The following SIM1 variants were observed in gnomAD, a reference collection of about 807,000 sequenced individuals.
The protein encoded by SIM1 is single-minded homolog 1.
SIM1 carries 18 observed loss-of-function variants against 78.2 expected under a neutral mutation model. The observed-to-expected ratio is 0.23, with a 90% CI of 0.16 to 0.34. The LOEUF is 0.34. Among genes scored for constraint, SIM1 ranks in the 10% least tolerant of loss-of-function variants. The pLI is 1.00. For synonymous variants in SIM1, 417 were observed against 385.2 expected (o/e 1.08, Z -0.97); for missense variants, 939 against 975.1 (o/e 0.96, Z 0.49).
At chr6:100,454,700 C>T (rs1772601752) in intron 2 of SIM1, among the ~76,000 whole-genome samples, 1 of 152,168 alleles carries the variant, frequency 6.6e-6, no homozygotes, top group Non-Finnish European at 1.5e-5. Context: ...CCGTTAAGAT[C>T]TTTGGAGGCT....
chr6:100,420,881 C>A lies in SIM1; in HGVS notation c.1076G>T (p.Ser359Ile), dbSNP rs1030367646. 1 of 1,613,938 alleles carries A rather than the reference C, an allele frequency of 6.2e-7. No homozygotes were observed. ...ASKPAFSYTS[S>I]STPTMTDNRK... Reference sequence around the variant, plus strand: ...GTTGTCAGTCATGGTGGGGGTGGAGCTGCTGGTATAGGAGAAGGCTGGTTT... The same window carrying A: ...GTTGTCAGTCATGGTGGGGGTGGAGATGCTGGTATAGGAGAAGGCTGGTTT... Residue 359 changes from serine to isoleucine, a missense_variant, in exon 10 of 12, where the codon AGC becomes ATC. Transcript: ENST00000369208.
intron 10 of SIM1, among the ~76,000 whole-genome samples, chr6:100,396,604 G>T (rs1476965421): frequency 6.6e-6 from 1 of 152,142 alleles, no homozygotes; most frequent in African/African-American, 2.4e-5. Flanking sequence ...GGTTCAGTTA[G>T]TCCAAGACCT....
At chr6:100,414,805 A>G (rs1021863637) in intron 10 of SIM1, among the ~76,000 whole-genome samples, 3 of 152,232 alleles carry the variant, frequency 2.0e-5, no homozygotes, top group African/African-American at 4.8e-5. Context: ...GTCTCTCAGC[A>G]TAGTAGTCAC....
chr6:100,393,623 G>A lies in SIM1; in HGVS notation c.1434C>T (p.Phe478=). Residue 478 remains phenylalanine (F), a synonymous_variant, in exon 11 of 12, where the codon TTC becomes TTT. Transcript: ENST00000369208. Reference sequence around the variant, plus strand: ...CCCTCCCGGCCTGCGGCGTTCCCAGGAAGTACCTGCCTGCCTCACATCGGC... The same window carrying A: ...CCCTCCCGGCCTGCGGCGTTCCCAGAAAGTACCTGCCTGCCTCACATCGGC... ...EGGRCEAGRY[F]LGTPQAGREP... is the part of the protein sequence containing the mutation. The A allele has an allele frequency of 6.2e-7, 1 of 1,614,176 alleles. No individual in the cohort carries two copies. The highest frequency in any genetic ancestry group is 8.5e-7 in the Non-Finnish European group (1 of 1,179,960).
chr6:100,453,471 GC>G (rs1054204549), intron 3 of SIM1, among the ~76,000 whole-genome samples: 1 of 152,072 alleles, frequency 6.6e-6, no homozygotes, highest in Non-Finnish European at 1.5e-5. Context: ...GACAAATGGT[GC>G]CCCCTCCCTT....
At chr6:100,400,518 C>G (rs1479631281) in intron 10 of SIM1, among the ~76,000 whole-genome samples, 1 of 151,938 alleles carries the variant, frequency 6.6e-6, no homozygotes, top group Non-Finnish European at 1.5e-5. Flanking sequence ...ACACAAATTA[C>G]ATAAATTAAA....
rs540249131 is a variant in SIM1, at chr6:100,459,269, AT to A, written c.175+4024del. 3.4e-3 allele frequency among the ~76,000 whole-genome samples: 521 copies of A among 152,098 alleles called. 2 individuals carry two copies. The highest frequency in any genetic ancestry group is 0.015 in the South Asian group (70 of 4,802). ...GATCCCTCCCATTAAAGAAAAAAGT[AT>A]TTTTTTTATTGATCTGATCTACAAT... On this transcript the variant is annotated intron_variant, in intron 2 of 11. Coordinates refer to ENST00000369208, the MANE Select transcript of SIM1 (RefSeq NM_005068.3).
intron 9 of SIM1, among the ~76,000 whole-genome samples, chr6:100,440,996 T>TCAC (rs1772198950): frequency 1.3e-5 from 2 of 152,146 alleles, no homozygotes; most frequent in Admixed American, 1.3e-4. Flanking sequence ...ATAACATATA[T>TCAC]GGGTGCCTGC....
Position 100,390,244 on chromosome 6 carries a change from C to T in SIM1, c.*117G>A. ...TTTTATAGGAACACGTATCAAATAC[C>T]CAGTAACTTAAGTTATACTCTCTAA... On this transcript the variant is annotated 3_prime_UTR_variant, in exon 12 of 12. Coordinates refer to ENST00000369208, the MANE Select transcript of SIM1 (RefSeq NM_005068.3). 2.7e-6 allele frequency: 3 copies of T among 1,117,846 alleles called. No homozygotes were observed. In the South Asian group the frequency reaches 4.7e-5, roughly 17 times the overall value. The allele number at this position is 1,117,846 out of a possible 1,614,324, so 69.2% of individuals were successfully genotyped here.
intron 10 of SIM1, among the ~76,000 whole-genome samples, chr6:100,413,538 C>T (rs541056664): frequency 1.7e-4 from 26 of 152,168 alleles, no homozygotes; most frequent in African/African-American, 5.8e-4. Context: ...AAAACTAATG[C>T]GACTAAATCT....
At chr6:100,411,301 G>T (rs371739898) in intron 10 of SIM1, among the ~76,000 whole-genome samples, 9 of 152,298 alleles carry the variant, frequency 5.9e-5, no homozygotes, top group African/African-American at 2.2e-4. Flanking sequence ...TACTGGAGAC[G>T]ACAGTGAGGA....
chr6:100,440,237 A>G (rs949558087), intron 9 of SIM1, among the ~76,000 whole-genome samples: 1 of 152,152 alleles, frequency 6.6e-6, no homozygotes, highest in Non-Finnish European at 1.5e-5. Context: ...CCCATTTCAC[A>G]TATGGGGCAA....
rs557462410 is a variant in SIM1 at position 100,447,587 on chromosome 6, G to A, written c.851-172C>T. ...TCCCAAAGGAACTGATTGTCCCGTG[G>A]TATTGCATCGAGCCCTCCGGTCACC... On this transcript the variant is annotated intron_variant, in intron 8 of 11. Transcript: ENST00000369208. Among the ~76,000 whole-genome samples the A allele has an allele frequency of 4.6e-5, 7 of 152,342 alleles. No homozygotes were observed. The East Asian group carries it at 1.4e-3, about 29-fold the overall frequency.
At chr6:100,416,965 C>G (rs985054692) in intron 10 of SIM1, among the ~76,000 whole-genome samples, 1 of 147,608 alleles carries the variant, frequency 6.8e-6, no homozygotes, top group African/African-American at 2.4e-5. Flanking sequence ...CTGTTCAAAA[C>G]CTTTACTAGT....
rs567024467 is a variant in SIM1 at position 100,419,626 on chromosome 6, GTTTGTT to G, written c.1167+1158_1167+1163del. 2.5e-3 allele frequency among the ~76,000 whole-genome samples: 382 copies of G among 152,120 alleles called. 1 individual carries two copies. Among genetic ancestry groups the G allele is most frequent in the African/African-American group, 8.3e-3 (344 of 41,500 alleles). On this transcript the variant is annotated intron_variant, in intron 10 of 11. Transcript: ENST00000369208. ...TGATGAATAAGTGACTCAGAAACCA[GTTTGTT>G]TTTGTTTTTGTTTTTGTTTTTGTTT... is the stretch of plus-strand genomic sequence containing the variant.
Position 100,385,167 on chromosome 6 carries a change from A to G in SIM1, c.*5194T>C, listed in dbSNP as rs998702661. 6.6e-6 allele frequency: 1 copy of G among 152,044 alleles called. No homozygotes were observed. The highest frequency in any genetic ancestry group is 6.6e-5 in the Admixed American group (1 of 15,244). 9.4% of individuals were successfully genotyped at this position (152,044 alleles called of 1,614,324 possible). On this transcript the variant is annotated 3_prime_UTR_variant, in exon 12 of 12. Coordinates refer to ENST00000369208, the MANE Select transcript of SIM1 (RefSeq NM_005068.3). ...GCAAGATATCATTGACATAGCTAAT[A>G]TTTTCTACTTTACATTCCAAAGTAA...
intron 10 of SIM1, among the ~76,000 whole-genome samples, chr6:100,415,825 A>G (rs1771383983): frequency 6.6e-6 from 1 of 152,190 alleles, no homozygotes; most frequent in Non-Finnish European, 1.5e-5. Context: ...AGCAGACAGT[A>G]AAATACAGAT....
chr6:100,442,619 G>T (rs967359212), intron 9 of SIM1, among the ~76,000 whole-genome samples: 4 of 152,052 alleles, frequency 2.6e-5, no homozygotes, highest in African/African-American at 9.7e-5. Context: ...CTTGCTAAGT[G>T]AAAAGGTGTT....
chr6:100,450,688 TCTCTCTCTCACACA>T (rs1393320586), intron 3 of SIM1, among the ~76,000 whole-genome samples: 22 of 97,938 alleles, frequency 2.2e-4, no homozygotes, highest in Admixed American at 1.5e-3. Context: ...TCTCTCTCTC[TCTCTCTCTCACACA>T]CACACACACA....
Sources: gnomAD v4.1 joint callset for allele counts (sites outside exome capture counted in the v4.1 genomes callset) on GRCh38, gnomAD v4.1.1 for gene constraint, MANE v1.5 for transcripts, NCBI Gene and HGNC (gene_info 2026-07-23, HGNC 2026-07-21) for gene names.